IL2RG: variants seen among roughly 807,000 people sequenced by gnomAD.
IL2RG encodes interleukin 2 receptor subunit gamma.
For synonymous variants in IL2RG, 111 were observed against 108.5 expected (o/e 1.02, Z -0.15); for missense variants, 205 against 272.9 (o/e 0.75, Z 1.75).
Position 71,107,699 on chromosome X carries a change from A to G in IL2RG, c.*37T>C. ...AGGAAAGTTAGTACCACTTAGGGCT[A>G]CAGGACCCTGGGGTTCTTCTGTCAG... On this transcript the variant is annotated 3_prime_UTR_variant, in exon 8 of 8. Transcript: ENST00000374202. The G allele has an allele frequency of 1.9e-6, 2 of 1,076,794 alleles. No homozygotes were observed. The highest frequency in any genetic ancestry group is 3.1e-5 in the East Asian group (1 of 32,131). 88.7% of individuals were successfully genotyped at this position (1,076,794 alleles called of 1,213,427 possible). A position where few individuals can be genotyped will look rare whatever the true frequency, so the allele number is the denominator to read the frequency against.
intron 2 of IL2RG, 71 bp from the exon 3 acceptor site, chrX:71,110,759 G>T (rs1456865610): frequency 1.8e-6 from 2 of 1,089,358 alleles, no homozygotes; most frequent in East Asian, 3.0e-5. Flanking sequence ...CCAGAGCCTA[G>T]CCTCATCTCC....
At position 71,110,904 on chromosome X, in the gene IL2RG, G is replaced by T; in HGVS notation, c.262C>A (p.His88Asn). Residue 88 changes from histidine to asparagine, a missense_variant, in exon 2 of 8, where the codon CAT becomes AAT. His to Asn is a moderately conservative substitution (Grantham distance 68, BLOSUM62 1). Transcript: ENST00000374202. ...SEPQPTNLTLHYWYKNSDNDK... is the reference protein window; with the variant it reads ...SEPQPTNLTLNYWYKNSDNDK... ...CCTCGTCCCTTCTCATACCAATAAT[G>T]CAGAGTGAGGTTGGTAGGCTGGGGC... The T allele has an allele frequency of 8.3e-7, 1 of 1,209,655 alleles. No individual in the cohort carries two copies. Among genetic ancestry groups the T allele is most frequent in the Non-Finnish European group, 1.1e-6 (1 of 894,260 alleles).
At position 71,110,175 on chromosome X, in the gene IL2RG, T is replaced by G. The variant is rs750345322; in HGVS notation, c.575A>C (p.Asp192Ala). ...ACTCACAGTCCAGCTGTGGTCCCAG[T>G]CAGTCCGGTACTGCACCAAGTGCTC... is the stretch of plus-strand genomic sequence containing the variant. The part of the protein sequence containing the change: ...CLEHLVQYRT[D>A]WDHSWTEQSV... Residue 192 changes from aspartate (D) to alanine (A), a missense_variant, in exon 4 of 8, where the codon GAC (aspartate) becomes GCC (alanine). Coordinates refer to ENST00000374202, the MANE Select transcript of IL2RG (RefSeq NM_000206.3). The G allele has an allele frequency of 3.3e-6, 4 of 1,211,041 alleles. No individual in the cohort carries two copies. In the Admixed American group the frequency reaches 8.7e-5, roughly 26 times the overall value.
chrX:71,109,509 TGAC>T, intron 4 of IL2RG, 119 bp from the exon 5 acceptor site: 1 of 682,826 alleles, frequency 1.5e-6, no homozygotes, highest in South Asian at 2.5e-5. Context: ...TCTCATCTCT[TGAC>T]TACTCAAGCC....
chrX:71,107,651 T>G lies in IL2RG; in HGVS notation c.*85A>C. ...CAGCCACAGTGGGGTGAGGTGAGTA[T>G]GAGACGCAGGTGGGTTGAATGAAGG... On this transcript the variant is annotated 3_prime_UTR_variant, in exon 8 of 8. Transcript: ENST00000374202. The G allele has an allele frequency of 2.4e-4, 173 of 731,990 alleles. No homozygotes were observed. The highest frequency in any genetic ancestry group is 3.0e-4 in the Non-Finnish European group (157 of 526,420). 60.3% of individuals were successfully genotyped at this position (731,990 alleles called of 1,213,427 possible). A position where few individuals can be genotyped will look rare whatever the true frequency, so the allele number is the denominator to read the frequency against.
At position 71,111,548 on chromosome X, in the gene IL2RG, C is replaced by T. The variant is rs759947317; in HGVS notation, c.-9G>A. On this transcript the variant is annotated 5_prime_UTR_variant, in exon 1 of 8. Coordinates refer to ENST00000374202, the MANE Select transcript of IL2RG (RefSeq NM_000206.3). ...AATGATGGCTTCAACATGGCGCTTG[C>T]TCTTCATTCCCTGGGTGTAGTCTGT... 3.3e-6 allele frequency: 4 copies of T among 1,210,908 alleles called. No individual in the cohort carries two copies. In the South Asian group the frequency reaches 7.0e-5, roughly 21 times the overall value.
Position 71,109,357 on chromosome X carries a change from A to G in IL2RG, c.628T>C (p.Leu210=), listed in dbSNP as rs751353788. 1 of 1,211,240 alleles carries G rather than the reference A, an allele frequency of 8.3e-7. No individual in the cohort carries two copies. Among genetic ancestry groups the G allele is most frequent in the Non-Finnish European group, 1.1e-6 (1 of 894,754 alleles). The change falls in exon 5 of 8, where the codon TTG becomes CTG. Residue 210 remains leucine, a synonymous_variant. Transcript: ENST00000374202. The part of the protein sequence containing the change: ...QSVDYRHKFS[L]PSVDGQKRYT... ...CGTTTCTGCCCATCCACACTAGGCAAGGAGAACTTATGTCTATAATCCACT... is the reference window on the plus strand; with the variant it reads ...CGTTTCTGCCCATCCACACTAGGCAGGGAGAACTTATGTCTATAATCCACT...
chrX:71,108,556 A>G (rs1482657914), intron 6 of IL2RG, 43 bp downstream of exon 6: 2 of 970,291 alleles, frequency 2.1e-6, no homozygotes, highest in Non-Finnish European at 2.9e-6. Flanking sequence ...TGCTATTGTC[A>G]GCTACCGTTC....
chrX:71,107,953 A>G (rs1364326472), intron 7 of IL2RG, 32 bp from the exon 8 acceptor site: 2 of 1,125,950 alleles, frequency 1.8e-6, no homozygotes, highest in South Asian at 1.8e-5. Flanking sequence ...TCAGGGGTCA[A>G]TTAGGGGCAG....
chrX:71,107,990 A>C (rs1034689882), intron 7 of IL2RG, 69 bp from the exon 8 acceptor site: 2 of 885,459 alleles, frequency 2.3e-6, no homozygotes, highest in African/African-American at 3.9e-5. Flanking sequence ...CTCTGTGCCA[A>C]AGGAGTACTC....
In IL2RG at chrX:71,107,650, A is replaced by T. The variant is rs759837290; in HGVS notation, c.*86T>A. On this transcript the variant is annotated 3_prime_UTR_variant, in exon 8 of 8. Transcript: ENST00000374202. ...TCAGCCACAGTGGGGTGAGGTGAGT[A>T]TGAGACGCAGGTGGGTTGAATGAAG... is the stretch of plus-strand genomic sequence containing the variant. The T allele has an allele frequency of 1.4e-6, 1 of 722,639 alleles. No individual in the cohort carries two copies. The highest frequency in any genetic ancestry group is 2.2e-5 in the African/African-American group (1 of 46,022). The allele number at this position is 722,639 out of a possible 1,213,427, so 59.6% of individuals were successfully genotyped here.
intron 7 of IL2RG, 113 bp from the exon 8 acceptor site, chrX:71,108,034 A>G: frequency 1.6e-6 from 1 of 608,547 alleles, no homozygotes; most frequent in Non-Finnish European, 2.7e-6. Context: ...TGATTACAGA[A>G]GGGATACACA....
chrX:71,109,437 G>C, intron 4 of IL2RG, 47 bp from the exon 5 acceptor site: 4 of 1,138,076 alleles, frequency 3.5e-6, no homozygotes, highest in Non-Finnish European at 4.8e-6. Flanking sequence ...ATGAGAGAAG[G>C]GAGAATTAAA....
rs1293196743 is a variant in IL2RG at position 71,110,686 on chromosome X, T to C, written c.272A>G (p.Tyr91Cys). Reference protein sequence around the residue: ...QPTNLTLHYWYKNSDNDKVQK... With the variant: ...QPTNLTLHYWCKNSDNDKVQK... ...GACTTTATCATTATCCGAGTTCTTG[T>C]ACCTAGAGGAGAAAGGTTGGAAGGA... is the stretch of plus-strand genomic sequence containing the variant. The change falls in exon 3 of 8, where the codon TAC becomes TGC. Residue 91 changes from tyrosine (Y) to cysteine (C), a missense_variant and splice_region_variant. By Grantham distance (194) the Tyr-to-Cys change is radical. Coordinates refer to ENST00000374202, the MANE Select transcript of IL2RG (RefSeq NM_000206.3). 8.3e-7 allele frequency: 1 copy of C among 1,204,548 alleles called. No individual in the cohort carries two copies. The highest frequency in any genetic ancestry group is 1.1e-6 in the Non-Finnish European group (1 of 889,110).
At chrX:71,109,864 G>A (rs1488489974) in intron 4 of IL2RG, among the ~76,000 whole-genome samples, 1 of 106,598 alleles carries the variant, frequency 9.4e-6, no homozygotes, top group African/African-American at 3.5e-5. Flanking sequence ...GGGAGACAGA[G>A]GTCGCAGTGA....
chrX:71,107,722 C>G lies in IL2RG; in HGVS notation c.*14G>C. 8.9e-7 allele frequency: 1 copy of G among 1,120,688 alleles called. No individual in the cohort carries two copies. Among genetic ancestry groups the G allele is most frequent in the Non-Finnish European group, 1.2e-6 (1 of 849,778 alleles). The allele number at this position is 1,120,688 out of a possible 1,213,427, so 92.4% of individuals were successfully genotyped here. A position where few individuals can be genotyped will look rare whatever the true frequency, so the allele number is the denominator to read the frequency against. On this transcript the variant is annotated 3_prime_UTR_variant, in exon 8 of 8. Transcript: ENST00000374202. ...CTACAGGACCCTGGGGTTCTTCTGT[C>G]AGAGGATTGGGGTTCAGGTTTCAGG...
rs1348414875 is a variant in IL2RG at position 71,111,564 on chromosome X, T to C, written c.-25A>G. The C allele has an allele frequency of 1.2e-5, 15 of 1,207,661 alleles. No homozygotes were observed. Among genetic ancestry groups the C allele is most frequent in the Non-Finnish European group, 1.7e-5 (15 of 893,797 alleles). On this transcript the variant is annotated 5_prime_UTR_variant, in exon 1 of 8. Coordinates refer to ENST00000374202, the MANE Select transcript of IL2RG (RefSeq NM_000206.3). ...TGGCGCTTGCTCTTCATTCCCTGGG[T>C]GTAGTCTGTCTGTGTCAGGAACCTG...
rs748876814 is a variant in IL2RG, at chrX:71,108,711, A to G, written c.758-16T>C. 13 of 1,076,941 alleles carry G rather than the reference A, an allele frequency of 1.2e-5. No individual in the cohort carries two copies. The South Asian group carries it at 2.2e-4, about 18-fold the overall frequency. 88.8% of individuals were successfully genotyped at this position (1,076,941 alleles called of 1,213,427 possible). On this transcript the variant is annotated splice_polypyrimidine_tract_variant and intron_variant, in intron 5 of 7. Coordinates refer to ENST00000374202, the MANE Select transcript of IL2RG (RefSeq NM_000206.3). ...AAAGGATTCTCTATAGAAAAAAGAAAAGCAAAGTGGACCTTATATTTGTTG... is the reference window on the plus strand; with the variant it reads ...AAAGGATTCTCTATAGAAAAAAGAAGAGCAAAGTGGACCTTATATTTGTTG...
In IL2RG at chrX:71,107,787, C is replaced by T. The variant is rs2147745813; in HGVS notation, c.1059G>A (p.Gln353=). The T allele has an allele frequency of 8.5e-7, 1 of 1,177,170 alleles. No individual in the cohort carries two copies. ...GEGPGASPCN[Q]HSPYWAPPCY... The stretch of plus-strand genomic sequence containing the variant: ...ATGGGGGGGCCCAGTAGGGGCTATG[C>T]TGGTTGCATGGGGAGGCCCCAGGCC... The change falls in exon 8 of 8, where the codon CAG becomes CAA. Residue 353 remains glutamine (Q), a synonymous_variant. Transcript: ENST00000374202.
Sources: gnomAD v4.1 joint callset for allele counts (sites outside exome capture counted in the v4.1 genomes callset) on GRCh38, gnomAD v4.1.1 for gene constraint, MANE v1.5 for transcripts, NCBI Gene and HGNC (gene_info 2026-07-23, HGNC 2026-07-21) for gene names.